Variants in RNF144A observed in about 807,000 individuals in gnomAD.
RNF144A encodes E3 ubiquitin-protein ligase RNF144A.
Under a neutral mutation model 38.7 loss-of-function variants are expected in RNF144A, and 11 were observed. The observed-to-expected ratio is 0.28, with a 90% CI of 0.18 to 0.47. RNF144A has a LOEUF of 0.47. RNF144A is among the 20% of genes least tolerant of loss of function. The probability of loss-of-function intolerance (pLI) is 0.99; values close to 1 mark genes in which losing one functional copy is unlikely to be tolerated. For missense variants in RNF144A, 316 were observed against 377.2 expected, an observed-to-expected ratio of 0.84 and a Z score of 1.34; for synonymous variants, 149 against 143.9, an observed-to-expected ratio of 1.04 and a Z score of -0.25.
Position 7,042,038 on chromosome 2 carries a change from G to A in RNF144A, c.*2278G>A, listed in dbSNP as rs1673076842. On this transcript the variant is annotated 3_prime_UTR_variant, in exon 9 of 9. Transcript: ENST00000320892. ...GAGATTCTGGGGCCAGCCAGGGGCA[G>A]TCAAATTGGCACCTACTGGCTCTGA... The A allele has an allele frequency of 1.0e-6, 1 of 985,274 alleles. No individual in the cohort carries two copies. The highest frequency in any genetic ancestry group is 1.2e-6 in the Non-Finnish European group (1 of 829,926). The allele number at this position is 985,274 out of a possible 1,614,324, so 61.0% of individuals were successfully genotyped here. A position where few individuals can be genotyped will look rare whatever the true frequency, so the allele number is the denominator to read the frequency against.
At chr2:7,001,296 A>G (rs1670084263) in intron 3 of RNF144A, among the ~76,000 whole-genome samples, 1 of 151,620 alleles carries the variant, frequency 6.6e-6, no homozygotes, top group Non-Finnish European at 1.5e-5. Context: ...GTGAAACTCC[A>G]TCTCAATAAA....
intron 6 of RNF144A, chr2:7,062,783 T>A (rs1674020865): frequency 6.6e-6 from 1 of 152,206 alleles, no homozygotes; most frequent in Non-Finnish European, 1.5e-5. Context: ...GGCTGATTGA[T>A]CCTTAATCAG....
intron 1 of RNF144A, among the ~76,000 whole-genome samples, chr2:6,918,030 G>A (rs1664247935): frequency 6.6e-6 from 1 of 151,942 alleles, no homozygotes. Flanking sequence ...GCTGGCGGCG[G>A]GGGCTTTCAA....
At chr2:7,031,245 T>C (rs933691363) in intron 8 of RNF144A, among the ~76,000 whole-genome samples, 10 of 152,230 alleles carry the variant, frequency 6.6e-5, no homozygotes, top group Non-Finnish European at 4.4e-5. Context: ...TGTTGGTTAA[T>C]ATTAACTTGT....
intron 3 of RNF144A, among the ~76,000 whole-genome samples, chr2:7,011,870 A>G (rs1670839237): frequency 1.3e-5 from 2 of 152,308 alleles, no homozygotes; most frequent in African/African-American, 4.8e-5. Context: ...TTATGTAGTG[A>G]ACAAATTGAT....
downstream of RNF144A, among the ~76,000 whole-genome samples, chr2:7,044,642 A>G (rs1673229726): frequency 6.6e-6 from 1 of 152,222 alleles, no homozygotes; most frequent in African/African-American, 2.4e-5. Context: ...TGGAATAAAT[A>G]TGGATCCTTC....
At position 7,014,352 on chromosome 2, in the gene RNF144A, TG is replaced by T. The variant is rs1671005516; in HGVS notation, c.136-101del. On this transcript the variant is annotated intron_variant, in intron 3 of 8. Transcript: ENST00000320892. ...GGACTACACAGTGAAAATATTAAAC[TG>T]TAATGGAATGATGTGCCTGGTCCTT... 5 of 807,380 alleles carry T rather than the reference TG, an allele frequency of 6.2e-6. No homozygotes were observed. The East Asian group carries it at 1.2e-4, about 20-fold the overall frequency. 50.0% of individuals were successfully genotyped at this position (807,380 alleles called of 1,614,324 possible). A position where few individuals can be genotyped will look rare whatever the true frequency, so the allele number is the denominator to read the frequency against.
At chr2:6,934,278 A>C (rs1665403686) in intron 1 of RNF144A, among the ~76,000 whole-genome samples, 3 of 152,170 alleles carry the variant, frequency 2.0e-5, no homozygotes. Flanking sequence ...GCATCTTTTC[A>C]AATGTTTATC....
At chr2:6,995,304 A>G (rs1022137465) in intron 2 of RNF144A, among the ~76,000 whole-genome samples, 1 of 152,098 alleles carries the variant, frequency 6.6e-6, no homozygotes, top group Non-Finnish European at 1.5e-5. Flanking sequence ...ACACAGCGGC[A>G]TCGTCAGATT....
At chr2:6,975,994 C>G (rs1225902059) in intron 2 of RNF144A, among the ~76,000 whole-genome samples, 1 of 152,186 alleles carries the variant, frequency 6.6e-6, no homozygotes. Flanking sequence ...CTTTCTTCAG[C>G]GGCACAGTAT....
intron 5 of RNF144A, 51 bp downstream of exon 5, chr2:7,014,823 G>A (rs1671037700): frequency 1.5e-6 from 2 of 1,341,966 alleles, no homozygotes; most frequent in South Asian, 1.2e-5. Flanking sequence ...GTGTGAATGT[G>A]GATAATTTTG....
intron 1 of RNF144A, among the ~76,000 whole-genome samples, chr2:6,934,784 A>G (rs1281781953): frequency 1.3e-5 from 2 of 152,200 alleles, no homozygotes; most frequent in Non-Finnish European, 2.9e-5. Flanking sequence ...CCTAGATAAG[A>G]GCAGGAGCTC....
chr2:6,982,942 G>A (rs1210269483), intron 2 of RNF144A, among the ~76,000 whole-genome samples: 1 of 152,206 alleles, frequency 6.6e-6, no homozygotes, highest in Non-Finnish European at 1.5e-5. Context: ...TCTGCCTAGT[G>A]GCTTATGATT....
intron 1 of RNF144A, among the ~76,000 whole-genome samples, chr2:6,919,752 C>T (rs965326628): frequency 6.6e-6 from 1 of 152,108 alleles, no homozygotes; most frequent in Non-Finnish European, 1.5e-5. Context: ...GGAAATTTTC[C>T]AGACCCAGTG....
chr2:7,060,401 G>C lies in RNF144A; in HGVS notation c.735-7815G>C, dbSNP rs111569496. ...CCAAGCTGTCTGTTGCCTCTGTGTGGCCATCTGTCATTTTCTTCAGGCACA... is the reference window on the plus strand; with the variant it reads ...CCAAGCTGTCTGTTGCCTCTGTGTGCCCATCTGTCATTTTCTTCAGGCACA... On this transcript the variant is annotated intron_variant, in intron 6 of 6. Coordinates refer to the RNF144A transcript ENST00000432850. Among the ~76,000 whole-genome samples, 902 of 152,164 alleles carry C rather than the reference G, an allele frequency of 5.9e-3. 10 individuals are homozygous for C. Among genetic ancestry groups the C allele is most frequent in the African/African-American group, 0.02 (843 of 41,504 alleles).
chr2:7,070,302 C>T (rs309261), downstream of RNF144A, among the ~76,000 whole-genome samples: 42,320 of 152,090 alleles, frequency 0.28, 7,047 homozygotes, highest in South Asian at 0.43. Flanking sequence ...TCCCGAGTAG[C>T]TGTGACTACA....
chr2:6,926,802 T>C (rs1160388410), intron 1 of RNF144A, among the ~76,000 whole-genome samples: 1 of 152,248 alleles, frequency 6.6e-6, no homozygotes, highest in African/African-American at 2.4e-5. Flanking sequence ...TTTATTTCTA[T>C]TGTTGTTGTT....
At chr2:6,923,476 AG>A (rs1664669894) in intron 1 of RNF144A, among the ~76,000 whole-genome samples, 1 of 152,172 alleles carries the variant, frequency 6.6e-6, no homozygotes, top group South Asian at 2.1e-4. Context: ...CTGTCTTTCC[AG>A]GGCTGATCTC....
rs1670741345 is a variant in RNF144A at position 7,010,720 on chromosome 2, G to GATGCCTTTTTTCCTGCA, written c.136-3725_136-3709dup. Reference sequence around the variant, plus strand: ...CCCCCTTTCTTCCCTCTGTGTGGCTGATGCCTTTTTTCCTGCAATGCCTTT... The same window carrying GATGCCTTTTTTCCTGCA: ...CCCCCTTTCTTCCCTCTGTGTGGCTGATGCCTTTTTTCCTGCAATGCCTTTTTTCCTGCAATGCCTTT... On this transcript the variant is annotated intron_variant, in intron 3 of 8. Coordinates refer to ENST00000320892, the MANE Select transcript of RNF144A (RefSeq NM_014746.6). 3.3e-5 allele frequency among the ~76,000 whole-genome samples: 5 copies of GATGCCTTTTTTCCTGCA among 152,166 alleles called. No individual in the cohort carries two copies. The South Asian group carries it at 1.0e-3, about 31-fold the overall frequency.
Sources: gnomAD v4.1 joint callset for allele counts (sites outside exome capture counted in the v4.1 genomes callset) on GRCh38, gnomAD v4.1.1 for gene constraint, MANE v1.5 for transcripts, NCBI Gene and HGNC (gene_info 2026-07-23, HGNC 2026-07-21) for gene names.